Variants in AMBRA1 observed in about 807,000 individuals in gnomAD.
AMBRA1 encodes autophagy and beclin 1 regulator 1.
AMBRA1 carries 47 observed loss-of-function variants against 125.4 expected under a neutral mutation model. That is an observed-to-expected ratio of 0.37 (90% CI 0.30 to 0.48). The LOEUF (loss-of-function observed/expected upper bound fraction) is 0.48. AMBRA1 is among the 20% of genes least tolerant of loss of function. AMBRA1 has a pLI of 0.99. For missense variants in AMBRA1, 1,331 were observed against 1,693.4 expected, an observed-to-expected ratio of 0.79 and a Z score of 3.76; for synonymous variants, 626 against 655.5, an observed-to-expected ratio of 0.95 and a Z score of 0.69.
chr11:46,593,525 A>C lies in AMBRA1; in HGVS notation c.-121+303T>G, dbSNP rs80028330. Among the ~76,000 whole-genome samples the C allele has an allele frequency of 6.8e-4, 104 of 152,316 alleles. 2 individuals carry two copies. The East Asian group carries it at 0.02, about 29-fold the overall frequency. On this transcript the variant is annotated intron_variant, in intron 1 of 17. Transcript: ENST00000683756. ...GGAAAAGGAGAAAGGAAGGAGGGTC[A>C]AAGTGCGCAAAGCTCTATCGGTTCC...
chr11:46,548,012 C>A (rs1276285017), intron 2 of AMBRA1, 137 bp from the exon 3 acceptor site: 5 of 1,229,454 alleles, frequency 4.1e-6, no homozygotes, highest in Non-Finnish European at 5.7e-6. Context: ...GATCAAGCTA[C>A]AAATTGAGAG....
Position 46,436,694 on chromosome 11 carries a change from C to T in AMBRA1, c.2633-1657G>A, listed in dbSNP as rs549483331. ...AACACGGCAATATCCCTCTCCTTTT[C>T]TGGATCAACACATGAATCCAGCTGG... On this transcript the variant is annotated intron_variant, in intron 12 of 17. Coordinates refer to ENST00000683756, the MANE Select transcript of AMBRA1 (RefSeq NM_001387011.1). Among the ~76,000 whole-genome samples the T allele has an allele frequency of 5.2e-4, 79 of 152,322 alleles. 2 individuals are homozygous for T. In the South Asian group the frequency reaches 0.016, roughly 30 times the overall value.
At chr11:46,429,922 C>T (rs529489898) in intron 14 of AMBRA1, among the ~76,000 whole-genome samples, 1 of 151,892 alleles carries the variant, frequency 6.6e-6, no homozygotes, top group Non-Finnish European at 1.5e-5. Context: ...GGGAATCAGA[C>T]AGAAAATAAG....
At chr11:46,483,542 G>A (rs935998526) in intron 11 of AMBRA1, among the ~76,000 whole-genome samples, 6 of 152,198 alleles carry the variant, frequency 3.9e-5, no homozygotes, top group Non-Finnish European at 8.8e-5. Flanking sequence ...TGGAATAAAC[G>A]AGGCTGCTTG....
chr11:46,543,065 G>C lies in AMBRA1; in HGVS notation c.952C>G (p.Arg318Gly), dbSNP rs750898877. 2.5e-6 allele frequency: 4 copies of C among 1,597,818 alleles called. No homozygotes were observed. The highest frequency in any genetic ancestry group is 2.5e-6 in the Non-Finnish European group (3 of 1,179,216). The change falls in exon 7 of 18, where the codon CGA becomes GGA. Residue 318 changes from arginine (R) to glycine (G), a missense_variant. By Grantham distance (125) the Arg-to-Gly change is moderately radical (BLOSUM62 -2). Coordinates refer to ENST00000683756, the MANE Select transcript of AMBRA1 (RefSeq NM_001387011.1). ...LCLCSRCSGT[R>G]VPSLLPHQDS... ...TGGTGTGGCAAGAGGGAAGGAACTC[G>C]AGTGCCAGAGCAGCGGCTGCAAAGG...
intron 7 of AMBRA1, among the ~76,000 whole-genome samples, chr11:46,538,530 G>A (rs1012369006): frequency 2.6e-5 from 4 of 151,964 alleles, no homozygotes; most frequent in African/African-American, 7.3e-5. Context: ...GTCTTGCTCT[G>A]TCGCCCAGGC....
chr11:46,454,620 G>A (rs1167570937), intron 11 of AMBRA1, among the ~76,000 whole-genome samples: 5 of 150,914 alleles, frequency 3.3e-5, no homozygotes, highest in South Asian at 2.1e-4. Context: ...GCGAGGTGGC[G>A]GGCGCCTGCA....
At chr11:46,527,824 G>A (rs1952044327) in intron 7 of AMBRA1, among the ~76,000 whole-genome samples, 1 of 152,088 alleles carries the variant, frequency 6.6e-6, no homozygotes, top group Non-Finnish European at 1.5e-5. Context: ...TGCTGACAAG[G>A]ATATGAAGTT....
chr11:46,507,297 G>C (rs1951078645), intron 9 of AMBRA1, among the ~76,000 whole-genome samples: 1 of 150,782 alleles, frequency 6.6e-6, no homozygotes, highest in Non-Finnish European at 1.5e-5. Flanking sequence ...GGCTAACATG[G>C]TGAAACCCCA....
At chr11:46,473,119 C>T (rs1423863293) in intron 11 of AMBRA1, among the ~76,000 whole-genome samples, 1 of 152,208 alleles carries the variant, frequency 6.6e-6, no homozygotes, top group Non-Finnish European at 1.5e-5. Context: ...ATTAAGAGGT[C>T]AACTTGAATT....
intron 14 of AMBRA1, among the ~76,000 whole-genome samples, chr11:46,426,473 T>C (rs1186023341): frequency 2.0e-5 from 3 of 152,170 alleles, no homozygotes; most frequent in Non-Finnish European, 4.4e-5. Flanking sequence ...GAGAATAAAA[T>C]GCAGCATAGA....
chr11:46,450,582 G>C (rs971781985), intron 11 of AMBRA1, among the ~76,000 whole-genome samples: 1 of 152,036 alleles, frequency 6.6e-6, no homozygotes, highest in Non-Finnish European at 1.5e-5. Context: ...TGGGGCTACA[G>C]GTGTGTGCCA....
At chr11:46,583,816 T>C (rs61882753) in intron 1 of AMBRA1, among the ~76,000 whole-genome samples, 34 of 150,464 alleles carry the variant, frequency 2.3e-4, no homozygotes, top group Admixed American at 1.3e-3. Flanking sequence ...ATCAAAACCA[T>C]AATGAGATAC....
chr11:46,506,210 G>C (rs1287155724), intron 9 of AMBRA1, among the ~76,000 whole-genome samples: 2 of 152,144 alleles, frequency 1.3e-5, no homozygotes, highest in Non-Finnish European at 2.9e-5. Context: ...AAGGGAGAAG[G>C]AACAAGCTGA....
chr11:46,472,210 C>T (rs1015962707), intron 11 of AMBRA1, among the ~76,000 whole-genome samples: 9 of 152,118 alleles, frequency 5.9e-5, no homozygotes, highest in Non-Finnish European at 1.2e-4. Context: ...TTTTATGTCC[C>T]AAGGGTGCCT....
chr11:46,572,105 A>G (rs774700965), intron 1 of AMBRA1, among the ~76,000 whole-genome samples: 14 of 152,142 alleles, frequency 9.2e-5, no homozygotes, highest in Admixed American at 3.3e-4. Context: ...GATCGAGACC[A>G]TCCTGGCCAA....
At chr11:46,404,667 A>T (rs1945923117) in intron 17 of AMBRA1, among the ~76,000 whole-genome samples, 1 of 152,180 alleles carries the variant, frequency 6.6e-6, no homozygotes, top group Non-Finnish European at 1.5e-5. Flanking sequence ...GCTCCCGCTG[A>T]CCAGAGCCTC....
chr11:46,561,946 C>A (rs1324745033), intron 1 of AMBRA1, among the ~76,000 whole-genome samples: 1 of 152,120 alleles, frequency 6.6e-6, no homozygotes, highest in Admixed American at 6.6e-5. Flanking sequence ...AACCAACAAG[C>A]ATTGATTAAG....
chr11:46,430,531 G>A (rs541005376), intron 14 of AMBRA1, among the ~76,000 whole-genome samples: 4 of 152,218 alleles, frequency 2.6e-5, no homozygotes, highest in Non-Finnish European at 5.9e-5. Context: ...AGTTTGAGAA[G>A]CACTGATCCA....
Sources: gnomAD v4.1 joint callset for allele counts (sites outside exome capture counted in the v4.1 genomes callset) on GRCh38, gnomAD v4.1.1 for gene constraint, MANE v1.5 for transcripts, NCBI Gene and HGNC (gene_info 2026-07-23, HGNC 2026-07-21) for gene names.